CCBE1: variants seen among roughly 807,000 people sequenced by gnomAD.
The protein encoded by CCBE1 is collagen and calcium-binding EGF domain-containing protein 1.
CCBE1 carries 37 observed loss-of-function variants against 50.0 expected under a neutral mutation model. That is an observed-to-expected ratio of 0.74 (90% confidence interval 0.57 to 0.97). The LOEUF (loss-of-function observed/expected upper bound fraction) is 0.97, where lower values mean the gene tolerates loss of function less well. Ranked by LOEUF, CCBE1 falls within the 50% of genes least tolerant of loss-of-function variation. CCBE1 has a pLI of 0.00. For synonymous variants in CCBE1, 234 were observed against 203.7 expected (o/e 1.15, Z -1.27); for missense variants, 538 against 523.8 (o/e 1.03, Z -0.26).
intron 2 of CCBE1, among the ~76,000 whole-genome samples, chr18:59,556,454 C>T (rs2052658593): frequency 6.6e-6 from 1 of 152,118 alleles, no homozygotes; most frequent in Admixed American, 6.5e-5. Context: ...CTAATGAACG[C>T]TCTGGGAGTG....
chr18:59,494,611 CTAGAGAT>C (rs754299881), intron 2 of CCBE1, among the ~76,000 whole-genome samples: 4 of 151,890 alleles, frequency 2.6e-5, no homozygotes, highest in African/African-American at 4.8e-5. Flanking sequence ...AAGTCCAAGA[CTAGAGAT>C]TTATTTTTGT....
chr18:59,524,744 G>T (rs1914747405), intron 2 of CCBE1, among the ~76,000 whole-genome samples: 1 of 130,594 alleles, frequency 7.7e-6, no homozygotes. Flanking sequence ...TTATCCTGAT[G>T]CTCTCCCACA....
At chr18:59,439,146 G>A (rs1225041857) in intron 9 of CCBE1, among the ~76,000 whole-genome samples, 4 of 152,190 alleles carry the variant, frequency 2.6e-5, no homozygotes, top group Non-Finnish European at 5.9e-5. Flanking sequence ...AATTAGCCAG[G>A]TGTGGTGGCG....
At chr18:59,463,791 G>A (rs751429437) in intron 5 of CCBE1, among the ~76,000 whole-genome samples, 10 of 152,196 alleles carry the variant, frequency 6.6e-5, no homozygotes, top group Non-Finnish European at 1.0e-4. Context: ...CTTGGTTGCT[G>A]GAGGCTGCCC....
intron 5 of CCBE1, among the ~76,000 whole-genome samples, chr18:59,457,736 GAAATTAAGTCCAATACCTTTTCCACAAA>G (rs1395038225): frequency 1.3e-5 from 2 of 152,176 alleles, no homozygotes; most frequent in African/African-American, 2.4e-5. Context: ...GAGTTGTCCT[GAAATTAAGTCCAATACCTTTTCCACAAA>G]TCAGATGGTT....
intron 2 of CCBE1, among the ~76,000 whole-genome samples, chr18:59,608,424 T>C: frequency 6.6e-6 from 1 of 152,290 alleles, no homozygotes; most frequent in East Asian, 1.9e-4. Context: ...GACAAAATGA[T>C]TTAGTGTTAT....
chr18:59,564,485 C>A (rs568781353), intron 2 of CCBE1, among the ~76,000 whole-genome samples: 2 of 152,122 alleles, frequency 1.3e-5, no homozygotes, highest in South Asian at 2.1e-4. Context: ...GTCATTAAAC[C>A]ATTTCTATAC....
chr18:59,547,072 G>A (rs7228822), intron 2 of CCBE1, among the ~76,000 whole-genome samples: 60 of 61,688 alleles, frequency 9.7e-4, no homozygotes, highest in South Asian at 2.3e-3. Context: ...GGGGAGAGAG[G>A]GGGAGAGAAA....
chr18:59,431,404 C>G lies in CCBE1; in HGVS notation c.*4504G>C, dbSNP rs7230906. ...TTCTACTTGTTGTTTGGCCTGGATT[C>G]CTCCAATAACTTTCCTTTTCAGGAA... is the stretch of plus-strand genomic sequence containing the variant. On this transcript the variant is annotated 3_prime_UTR_variant, in exon 11 of 11. Coordinates refer to ENST00000439986, the MANE Select transcript of CCBE1 (RefSeq NM_133459.4). The G allele has an allele frequency of 0.4, 60,216 of 152,066 alleles. 12,715 individuals carry two copies. The highest frequency in any genetic ancestry group is 0.67 in the East Asian group (3,472 of 5,180). 9.4% of individuals were successfully genotyped at this position (152,066 alleles called of 1,614,324 possible).
intron 2 of CCBE1, among the ~76,000 whole-genome samples, chr18:59,694,773 G>A (rs1045305797): frequency 6.6e-6 from 1 of 152,182 alleles, no homozygotes; most frequent in Non-Finnish European, 1.5e-5. Context: ...ACGGAATACA[G>A]AGAACTCTCG....
At chr18:59,503,402 G>T (rs147138774) in intron 2 of CCBE1, among the ~76,000 whole-genome samples, 6 of 152,198 alleles carry the variant, frequency 3.9e-5, no homozygotes, top group African/African-American at 1.4e-4. Flanking sequence ...GTTTAGAGAG[G>T]TTAGGCAACA....
intron 2 of CCBE1, among the ~76,000 whole-genome samples, chr18:59,525,927 A>C (rs891524847): frequency 6.6e-6 from 1 of 152,098 alleles, no homozygotes; most frequent in East Asian, 1.9e-4. Context: ...TGAGTTTTCT[A>C]TTCTGTTCCA....
chr18:59,684,719 A>G (rs557961119), intron 2 of CCBE1, among the ~76,000 whole-genome samples: 43 of 152,354 alleles, frequency 2.8e-4, no homozygotes, highest in African/African-American at 4.6e-4. Context: ...AGACAATTAC[A>G]TATACAAACT....
intron 2 of CCBE1, among the ~76,000 whole-genome samples, chr18:59,633,586 C>G (rs1006043511): frequency 6.6e-6 from 1 of 152,182 alleles, no homozygotes; most frequent in Non-Finnish European, 1.5e-5. Flanking sequence ...GGATCCCTCA[C>G]GCAGTTAATA....
intron 9 of CCBE1, 30 bp from the exon 10 acceptor site, chr18:59,438,176 C>T: frequency 6.2e-7 from 1 of 1,610,964 alleles, no homozygotes; most frequent in East Asian, 2.2e-5. Context: ...GGTTAGCTTT[C>T]TAGAGCACAT....
At chr18:59,620,332 G>A (rs1382746683) in intron 2 of CCBE1, among the ~76,000 whole-genome samples, 1 of 152,140 alleles carries the variant, frequency 6.6e-6, no homozygotes, top group Non-Finnish European at 1.5e-5. Context: ...CCTGGTTGGA[G>A]GAGAAGAATT....
chr18:59,552,641 A>C (rs900795582), intron 2 of CCBE1, among the ~76,000 whole-genome samples: 2 of 152,230 alleles, frequency 1.3e-5, no homozygotes, highest in Non-Finnish European at 2.9e-5. Flanking sequence ...CCTGGTTTGG[A>C]AAGATCACTT....
intron 2 of CCBE1, among the ~76,000 whole-genome samples, chr18:59,672,062 G>A (rs2054439645): frequency 6.6e-6 from 1 of 152,132 alleles, no homozygotes; most frequent in African/African-American, 2.4e-5. Context: ...ATTAACATAG[G>A]TACAATCAGA....
chr18:59,554,278 C>A lies in CCBE1; in HGVS notation c.213-74040G>T, dbSNP rs150646484. On this transcript the variant is annotated intron_variant, in intron 2 of 10. Coordinates refer to ENST00000439986, the MANE Select transcript of CCBE1 (RefSeq NM_133459.4). ...ACAGACATGAGCCACCATGCCCAGACTGGAACCAGAGCATACTTCTGTCCA... is the reference window on the plus strand; with the variant it reads ...ACAGACATGAGCCACCATGCCCAGAATGGAACCAGAGCATACTTCTGTCCA... 8.5e-4 allele frequency among the ~76,000 whole-genome samples: 130 copies of A among 152,314 alleles called. 1 individual carries two copies. The highest frequency in any genetic ancestry group is 5.4e-3 in the South Asian group (26 of 4,814).
Sources: gnomAD v4.1 joint callset for allele counts (sites outside exome capture counted in the v4.1 genomes callset) on GRCh38, gnomAD v4.1.1 for gene constraint, MANE v1.5 for transcripts, NCBI Gene and HGNC (gene_info 2026-07-23, HGNC 2026-07-21) for gene names.